The following CYTH3 variants were observed in gnomAD, a reference collection of about 807,000 sequenced individuals.
The protein encoded by CYTH3 is cytohesin-3.
A neutral mutation model predicts 55.1 loss-of-function variants in CYTH3; 23 were observed. The ratio of observed to expected loss-of-function variants is 0.42; its 90% CI spans 0.30 to 0.59. The LOEUF (loss-of-function observed/expected upper bound fraction) is 0.59, where lower values mean the gene tolerates loss of function less well. Ranked by LOEUF, CYTH3 falls within the 20% of genes least tolerant of loss-of-function variation. The probability of loss-of-function intolerance (pLI) is 0.20; values close to 1 mark genes in which losing one functional copy is unlikely to be tolerated. For missense variants in CYTH3, 413 were observed against 524.8 expected, an observed-to-expected ratio of 0.79 and a Z score of 2.08; for synonymous variants, 249 against 194.9, an observed-to-expected ratio of 1.28 and a Z score of -2.31.
intron 4 of CYTH3, among the ~76,000 whole-genome samples, chr7:6,186,637 C>T (rs1411357645): frequency 2.6e-5 from 4 of 152,192 alleles, no homozygotes; most frequent in Admixed American, 2.0e-4. Context: ...TTATAAAGTC[C>T]GTAACCTCTG....
chr7:6,252,943 G>C (rs1015427825), intron 1 of CYTH3, among the ~76,000 whole-genome samples: 3 of 152,144 alleles, frequency 2.0e-5, no homozygotes, highest in African/African-American at 7.2e-5. Context: ...GTGGATGCTT[G>C]TTCCAAATTT....
At chr7:6,252,537 A>ATT (rs1007955133) in intron 1 of CYTH3, among the ~76,000 whole-genome samples, 1 of 151,974 alleles carries the variant, frequency 6.6e-6, no homozygotes, top group Non-Finnish European at 1.5e-5. Context: ...GAGGAGTGTC[A>ATT]TTTTTTTTCC....
intron 1 of CYTH3, among the ~76,000 whole-genome samples, chr7:6,237,720 C>T (rs1779561022): frequency 6.6e-6 from 1 of 150,700 alleles, no homozygotes; most frequent in East Asian, 1.9e-4. Flanking sequence ...AAAATAACAA[C>T]AAAAAAAAAC....
chr7:6,203,757 C>A (rs539038424), intron 1 of CYTH3, among the ~76,000 whole-genome samples: 1 of 151,354 alleles, frequency 6.6e-6, no homozygotes, highest in Non-Finnish European at 1.5e-5. Context: ...CTCGCTCTGT[C>A]GCCCAGGCTG....
At chr7:6,220,149 G>A (rs768499818) in intron 1 of CYTH3, among the ~76,000 whole-genome samples, 20 of 152,020 alleles carry the variant, frequency 1.3e-4, no homozygotes, top group African/African-American at 2.4e-4. Context: ...TGCCCGCCTC[G>A]GCCTCCCAAA....
At chr7:6,226,917 A>T (rs1217915584) in intron 1 of CYTH3, among the ~76,000 whole-genome samples, 1 of 152,106 alleles carries the variant, frequency 6.6e-6, no homozygotes, top group African/African-American at 2.4e-5. Context: ...CGTCTCTACT[A>T]AAAATACAAA....
At chr7:6,215,320 G>C (rs1562391770) in intron 1 of CYTH3, among the ~76,000 whole-genome samples, 1 of 152,198 alleles carries the variant, frequency 6.6e-6, no homozygotes, top group Non-Finnish European at 1.5e-5. Flanking sequence ...GCCAGGTGCG[G>C]TGGCTCACGC....
intron 1 of CYTH3, among the ~76,000 whole-genome samples, chr7:6,229,933 G>A (rs1008121096): frequency 1.1e-4 from 17 of 151,876 alleles, no homozygotes; most frequent in African/African-American, 3.1e-4. Context: ...TCTGGAGTTC[G>A]AGACCAGCCT....
chr7:6,251,269 C>T (rs1392949163), intron 1 of CYTH3, among the ~76,000 whole-genome samples: 1 of 151,442 alleles, frequency 6.6e-6, no homozygotes, highest in Non-Finnish European at 1.5e-5. Context: ...GAGCGAAACA[C>T]CGTCTCAAAA....
chr7:6,207,704 CT>C (rs1209105233), intron 1 of CYTH3, among the ~76,000 whole-genome samples: 1 of 151,704 alleles, frequency 6.6e-6, no homozygotes, highest in East Asian at 1.9e-4. Flanking sequence ...AATCCCAGCA[CT>C]TTGGGAGGTC....
At chr7:6,181,570 C>T (rs1783502905) in intron 4 of CYTH3, among the ~76,000 whole-genome samples, 1 of 152,208 alleles carries the variant, frequency 6.6e-6, no homozygotes, top group African/African-American at 2.4e-5. Flanking sequence ...AGTTTTACAA[C>T]ATTTTACTTG....
At chr7:6,172,783 G>A (rs1003532038) in intron 6 of CYTH3, 4 of 1,278,574 alleles carry the variant, frequency 3.1e-6, no homozygotes, top group Non-Finnish European at 4.1e-6. Flanking sequence ...AATCTGATAA[G>A]CCTGAACTGC....
chr7:6,214,212 G>A (rs1048206445), intron 1 of CYTH3, among the ~76,000 whole-genome samples: 37 of 152,188 alleles, frequency 2.4e-4, no homozygotes, highest in African/African-American at 8.4e-4. Flanking sequence ...ACAGTGAAAG[G>A]TTAATCGTGG....
rs773028574 is a variant in CYTH3 at position 6,187,121 on chromosome 7, T to C, written c.183-5A>G. 5.6e-6 allele frequency: 9 copies of C among 1,613,804 alleles called. No individual in the cohort carries two copies. The African/African-American group carries it at 1.1e-4, about 19-fold the overall frequency. On this transcript the variant is annotated splice_region_variant and splice_polypyrimidine_tract_variant and intron_variant, in intron 3 of 12. Coordinates refer to ENST00000350796, the MANE Select transcript of CYTH3 (RefSeq NM_004227.4). ...TTGTTCCTCTGAGTCGTTTTGCTATTGGTGTGAAATAATTTAAAAATCACT... is the reference window on the plus strand; with the variant it reads ...TTGTTCCTCTGAGTCGTTTTGCTATCGGTGTGAAATAATTTAAAAATCACT...
chr7:6,272,207 G>A (rs1027241256), intron 1 of CYTH3, among the ~76,000 whole-genome samples: 4 of 151,714 alleles, frequency 2.6e-5, no homozygotes, highest in African/African-American at 9.7e-5. Flanking sequence ...GAGACTCCGG[G>A]GCGACCCCAG....
intron 2 of CYTH3, 68 bp downstream of exon 2, chr7:6,190,381 C>G (rs1263787680): frequency 5.1e-6 from 5 of 985,638 alleles, no homozygotes; most frequent in Non-Finnish European, 5.3e-6. Context: ...TGAGGCTACT[C>G]TTTTACTATT....
At chr7:6,202,386 C>G (rs565086778) in intron 1 of CYTH3, among the ~76,000 whole-genome samples, 8 of 152,130 alleles carry the variant, frequency 5.3e-5, no homozygotes, top group Non-Finnish European at 1.2e-4. Flanking sequence ...GTGGGTGAAC[C>G]CAGACAAGAG....
At chr7:6,175,824 G>C (rs1783337865) in intron 5 of CYTH3, among the ~76,000 whole-genome samples, 1 of 152,288 alleles carries the variant, frequency 6.6e-6, no homozygotes. Flanking sequence ...TGGGATTACA[G>C]AGTGAGTCAC....
chr7:6,272,579 G>T lies in CYTH3; in HGVS notation c.-72C>A. On this transcript the variant is annotated 5_prime_UTR_variant, in exon 1 of 13. Coordinates refer to ENST00000350796, the MANE Select transcript of CYTH3 (RefSeq NM_004227.4). ...GGGCCGCGGGCTGGGGACGCCGCCGGAGGGAGCGCGCAGGCGACCGGGCGG... is the reference window on the plus strand; with the variant it reads ...GGGCCGCGGGCTGGGGACGCCGCCGTAGGGAGCGCGCAGGCGACCGGGCGG... The T allele has an allele frequency of 3.5e-6, 4 of 1,130,034 alleles. No individual in the cohort carries two copies. Among genetic ancestry groups the T allele is most frequent in the Non-Finnish European group, 1.1e-6 (1 of 920,626 alleles). The allele number at this position is 1,130,034 out of a possible 1,614,324, so 70.0% of individuals were successfully genotyped here. A position where few individuals can be genotyped will look rare whatever the true frequency, so the allele number is the denominator to read the frequency against.
Sources: gnomAD v4.1 joint callset for allele counts (sites outside exome capture counted in the v4.1 genomes callset) on GRCh38, gnomAD v4.1.1 for gene constraint, MANE v1.5 for transcripts, NCBI Gene and HGNC (gene_info 2026-07-23, HGNC 2026-07-21) for gene names.